The following KATNIP variants were observed in gnomAD, a reference collection of about 807,000 sequenced individuals.
KATNIP encodes the protein katanin interacting protein.
A neutral mutation model predicts 174.0 loss-of-function variants in KATNIP; 126 were observed. That is an observed-to-expected ratio of 0.72 (90% CI 0.63 to 0.84). The LOEUF (loss-of-function observed/expected upper bound fraction) is 0.84. Among genes scored for constraint, KATNIP ranks in the 40% least tolerant of loss-of-function variants. The pLI is 0.00. For missense variants in KATNIP, 1,958 were observed against 2,109.7 expected, an observed-to-expected ratio of 0.93 and a Z score of 1.41; for synonymous variants, 810 against 835.7, an observed-to-expected ratio of 0.97 and a Z score of 0.53.
At position 27,778,707 on chromosome 16, in the gene KATNIP, C is replaced by T. The variant is rs560803062; in HGVS notation, c.*78C>T. 7 of 1,424,528 alleles carry T rather than the reference C, an allele frequency of 4.9e-6. No individual in the cohort carries two copies. The South Asian group carries it at 7.5e-5, about 15-fold the overall frequency. 88.2% of individuals were successfully genotyped at this position (1,424,528 alleles called of 1,614,324 possible). A position where few individuals can be genotyped will look rare whatever the true frequency, so the allele number is the denominator to read the frequency against. On this transcript the variant is annotated 3_prime_UTR_variant, in exon 28 of 28. Transcript: ENST00000261588. ...CCCCACTCAGTGCCTGCGTCCCTCA[C>T]CCTCAGTCCCAGGAGCTGGAAGCGA...
Position 27,703,895 on chromosome 16 carries a change from G to A in KATNIP, c.1287-1G>A, listed in dbSNP as rs768200110. 2 of 1,613,588 alleles carry A rather than the reference G, an allele frequency of 1.2e-6. No individual in the cohort carries two copies. The highest frequency in any genetic ancestry group is 1.3e-5 in the African/African-American group (1 of 75,032). On this transcript the variant is annotated splice_acceptor_variant, in intron 11 of 27. Coordinates refer to ENST00000261588, the MANE Select transcript of KATNIP (RefSeq NM_015202.5). LOFTEE classifies it high-confidence loss of function. ...TTTGCTAAAACCAAATCCCATTTCA[G>A]ACAACAGCAGAAGCTTCTGAAAGTC...
chr16:27,580,866 T>C (rs2090673781), intron 2 of KATNIP, among the ~76,000 whole-genome samples: 1 of 152,174 alleles, frequency 6.6e-6, no homozygotes, highest in South Asian at 2.1e-4. Context: ...TTCATTTTTT[T>C]ATATTTAAAA....
intron 2 of KATNIP, among the ~76,000 whole-genome samples, chr16:27,589,165 C>T (rs914930719): frequency 1.1e-4 from 16 of 152,004 alleles, no homozygotes; most frequent in Admixed American, 1.0e-3. Context: ...CTTGGCCTCC[C>T]AAGGTGCTGG....
At chr16:27,712,550 TG>T (rs2143004820) in intron 13 of KATNIP, among the ~76,000 whole-genome samples, 1 of 152,242 alleles carries the variant, frequency 6.6e-6, no homozygotes, top group Admixed American at 6.5e-5. Flanking sequence ...AAGCGGAGGC[TG>T]GGTTTGAAAG....
rs982364305 is a variant in KATNIP, at chr16:27,580,944, C to T, written c.63+6988C>T. Reference sequence around the variant, plus strand: ...CAAATACATTAATATATGTACAGAACTCATTGAGGTGGCTGATGCTTGTTA... The same window carrying T: ...CAAATACATTAATATATGTACAGAATTCATTGAGGTGGCTGATGCTTGTTA... On this transcript the variant is annotated intron_variant, in intron 2 of 27. Coordinates refer to ENST00000261588, the MANE Select transcript of KATNIP (RefSeq NM_015202.5). 2.6e-5 allele frequency among the ~76,000 whole-genome samples: 4 copies of T among 152,094 alleles called. No homozygotes were observed. The East Asian group carries it at 7.7e-4, about 29-fold the overall frequency.
intron 6 of KATNIP, among the ~76,000 whole-genome samples, chr16:27,667,976 T>C (rs1165169886): frequency 6.6e-6 from 1 of 152,190 alleles, no homozygotes; most frequent in Non-Finnish European, 1.5e-5. Context: ...CATTCTCCTT[T>C]GTAAGTAGAG....
At chr16:27,762,701 T>C (rs1433260548) in intron 19 of KATNIP, among the ~76,000 whole-genome samples, 1 of 152,200 alleles carries the variant, frequency 6.6e-6, no homozygotes, top group African/African-American at 2.4e-5. Flanking sequence ...TCCCTGCTTT[T>C]CTATAAGGTG....
At position 27,617,766 on chromosome 16, in the gene KATNIP, ACT is replaced by A. The variant is rs995730936; in HGVS notation, c.64-656_64-655del. ...CCCTCCCCTTTTTGTTCTTTGAGAC[ACT>A]CTGTTGCCCAGGCTGGAGTGCAGTG... On this transcript the variant is annotated intron_variant, in intron 2 of 27. Transcript: ENST00000261588. Among the ~76,000 whole-genome samples the A allele has an allele frequency of 7.2e-5, 11 of 152,000 alleles. 1 individual carries two copies. The highest frequency in any genetic ancestry group is 5.9e-4 in the Admixed American group (9 of 15,274).
intron 8 of KATNIP, among the ~76,000 whole-genome samples, chr16:27,684,575 AGC>A (rs1228135717): frequency 6.6e-6 from 1 of 152,226 alleles, no homozygotes; most frequent in Non-Finnish European, 1.5e-5. Context: ...TTGCTAGGGC[AGC>A]CATAACGAAG....
chr16:27,630,290 C>T (rs2076447469), intron 4 of KATNIP, among the ~76,000 whole-genome samples: 1 of 152,212 alleles, frequency 6.6e-6, no homozygotes, highest in Non-Finnish European at 1.5e-5. Flanking sequence ...ACCTTGCAGG[C>T]TTGCTGGGAA....
chr16:27,737,417 T>C (rs536095943), intron 14 of KATNIP, among the ~76,000 whole-genome samples: 4 of 151,686 alleles, frequency 2.6e-5, no homozygotes, highest in Non-Finnish European at 5.9e-5. Context: ...TTTTGGGCAT[T>C]TTATATTGGA....
At chr16:27,625,889 A>T (rs550688007) in intron 3 of KATNIP, among the ~76,000 whole-genome samples, 6 of 148,484 alleles carry the variant, frequency 4.0e-5, no homozygotes, top group Admixed American at 1.4e-4. Context: ...TCTGTCTGTC[A>T]CCCGGGCTGG....
At chr16:27,587,901 T>TTTTTC (rs1182283951) in intron 2 of KATNIP, among the ~76,000 whole-genome samples, 2 of 151,532 alleles carry the variant, frequency 1.3e-5, no homozygotes, top group Middle Eastern at 3.4e-3. Context: ...TTCCCTTTCC[T>TTTTTC]TTTTCTTTTC....
intron 1 of KATNIP, among the ~76,000 whole-genome samples, chr16:27,553,870 G>A (rs2089496941): frequency 6.6e-6 from 1 of 151,462 alleles, no homozygotes. Flanking sequence ...CTCAGGATCA[G>A]TTGAGCTTAG....
chr16:27,750,674 T>C, intron 16 of KATNIP, among the ~76,000 whole-genome samples: 1 of 148,446 alleles, frequency 6.7e-6, no homozygotes, highest in Admixed American at 6.7e-5. Flanking sequence ...CCTCATGATC[T>C]GCCCGTCTCG....
chr16:27,679,985 CAGA>C (rs1193714321), intron 7 of KATNIP, among the ~76,000 whole-genome samples: 1 of 152,144 alleles, frequency 6.6e-6, no homozygotes, highest in African/African-American at 2.4e-5. Context: ...AGACCGCACT[CAGA>C]AGTTGCTTAT....
chr16:27,737,485 G>A (rs2080940185), intron 14 of KATNIP, among the ~76,000 whole-genome samples: 5 of 152,166 alleles, frequency 3.3e-5, no homozygotes, highest in Admixed American at 2.6e-4. Flanking sequence ...TTGGTGGAGA[G>A]GTCAGGGTTG....
chr16:27,571,410 A>G (rs1050302757), intron 1 of KATNIP, among the ~76,000 whole-genome samples: 1 of 152,182 alleles, frequency 6.6e-6, no homozygotes, highest in Non-Finnish European at 1.5e-5. Flanking sequence ...TTTAGAGATG[A>G]AAAGCAACCA....
intron 5 of KATNIP, among the ~76,000 whole-genome samples, chr16:27,646,754 A>G (rs562731490): frequency 1.4e-4 from 21 of 152,082 alleles, no homozygotes; most frequent in Non-Finnish European, 2.6e-4. Context: ...AGACACAAGT[A>G]ACAGTGGCTT....
Sources: allele counts gnomAD v4.1 joint callset (sites outside exome capture counted in the v4.1 genomes callset), GRCh38; gene constraint gnomAD v4.1.1; transcripts MANE v1.5; gene names NCBI Gene and HGNC (gene_info 2026-07-23, HGNC 2026-07-21).